LRRTM4: variants seen among roughly 807,000 people sequenced by gnomAD.
The protein encoded by LRRTM4 is leucine-rich repeat transmembrane neuronal protein 4.
In LRRTM4, 25 loss-of-function variants were observed where a neutral mutation model predicts 47.6. The observed-to-expected ratio is 0.53, with a 90% CI of 0.38 to 0.73. The LOEUF (loss-of-function observed/expected upper bound fraction) is 0.73, where lower values mean the gene tolerates loss of function less well. LRRTM4 is among the 30% of genes least tolerant of loss of function. The pLI, the probability that LRRTM4 is intolerant of heterozygous loss-of-function variation, is 0.00. For missense variants in LRRTM4, 638 were observed against 713.4 expected, an observed-to-expected ratio of 0.89 and a Z score of 1.20; for synonymous variants, 311 against 269.5, an observed-to-expected ratio of 1.15 and a Z score of -1.51.
At chr2:76,803,112 A>G (rs539631905) in intron 3 of LRRTM4, among the ~76,000 whole-genome samples, 47 of 152,276 alleles carry the variant, frequency 3.1e-4, no homozygotes, top group African/African-American at 1.1e-3. Context: ...GACAAATGGT[A>G]TTATATCAAT....
intron 3 of LRRTM4, among the ~76,000 whole-genome samples, chr2:77,354,344 TA>T (rs1671892775): frequency 6.7e-6 from 1 of 149,980 alleles, no homozygotes; most frequent in South Asian, 2.1e-4. Flanking sequence ...AAGTGGTTCT[TA>T]AATTTTAGCA....
chr2:76,791,867 G>C lies in LRRTM4; in HGVS notation c.1552-42951C>G, dbSNP rs890528433. Among the ~76,000 whole-genome samples, 6 of 152,114 alleles carry C rather than the reference G, an allele frequency of 3.9e-5. No homozygotes were observed. The South Asian group carries it at 6.2e-4, about 16-fold the overall frequency. ...ATAAGCTAGTTTCCAATATGAAATA[G>C]ACTTTCAAACCCCAGAGAATTTTTG... is the stretch of plus-strand genomic sequence containing the variant. On this transcript the variant is annotated intron_variant, in intron 3 of 3. Coordinates refer to ENST00000409884, the MANE Select transcript of LRRTM4 (RefSeq NM_001134745.3).
chr2:76,776,743 G>A (rs1674017045), intron 3 of LRRTM4, among the ~76,000 whole-genome samples: 2 of 142,872 alleles, frequency 1.4e-5, no homozygotes, highest in Non-Finnish European at 1.5e-5. Context: ...CTTTTGCTGT[G>A]CAGAAGCTCT....
intron 3 of LRRTM4, among the ~76,000 whole-genome samples, chr2:77,268,318 C>A (rs916020878): frequency 3.9e-5 from 6 of 152,120 alleles, no homozygotes; most frequent in African/African-American, 1.4e-4. Flanking sequence ...CACTGAATAG[C>A]AACACTAAGT....
At chr2:77,063,820 C>T (rs1292064073) in intron 3 of LRRTM4, among the ~76,000 whole-genome samples, 1 of 151,974 alleles carries the variant, frequency 6.6e-6, no homozygotes, top group African/African-American at 2.4e-5. Flanking sequence ...TGTTTAATTC[C>T]TTCTCTTTGT....
chr2:76,772,184 C>G (rs1673740787), intron 3 of LRRTM4, among the ~76,000 whole-genome samples: 1 of 152,060 alleles, frequency 6.6e-6, no homozygotes, highest in Admixed American at 6.5e-5. Context: ...ACCCGGAGAG[C>G]TCTCTGACTC....
chr2:77,301,768 T>A (rs760643226), intron 3 of LRRTM4, among the ~76,000 whole-genome samples: 64 of 152,154 alleles, frequency 4.2e-4, no homozygotes, highest in Middle Eastern at 3.2e-3. Context: ...AAATGAATAG[T>A]ATCCTATTCT....
chr2:76,822,747 G>A lies in LRRTM4; in HGVS notation c.1552-73831C>T, dbSNP rs189112462. Among the ~76,000 whole-genome samples the A allele has an allele frequency of 4.8e-3, 727 of 151,550 alleles. 3 individuals are homozygous for A. Among genetic ancestry groups the A allele is most frequent in the Non-Finnish European group, 7.3e-3 (494 of 67,600 alleles). ...AGAAGTGAGAGACAAACTATGTGGT[G>A]AAAGGAGGTTGTACCTCTAAGTCTG... On this transcript the variant is annotated intron_variant, in intron 3 of 3. Transcript: ENST00000409884.
chr2:77,115,787 T>C (rs549417584), intron 3 of LRRTM4, among the ~76,000 whole-genome samples: 2 of 152,334 alleles, frequency 1.3e-5, no homozygotes, highest in African/African-American at 4.8e-5. Flanking sequence ...TCTATAGACT[T>C]CCTTGACACT....
intron 3 of LRRTM4, among the ~76,000 whole-genome samples, chr2:76,939,078 T>TC (rs1438232061): frequency 6.6e-6 from 1 of 152,134 alleles, no homozygotes; most frequent in Non-Finnish European, 1.5e-5. Flanking sequence ...ATATTCAGAC[T>TC]CCAACAACTT....
At chr2:77,043,907 A>G (rs772158429) in intron 3 of LRRTM4, among the ~76,000 whole-genome samples, 15 of 148,658 alleles carry the variant, frequency 1.0e-4, no homozygotes, top group African/African-American at 2.0e-4. Context: ...AAACAGGTAA[A>G]AACATTTTTT....
At chr2:77,375,606 C>T in intron 3 of LRRTM4, among the ~76,000 whole-genome samples, 2 of 151,714 alleles carry the variant, frequency 1.3e-5, no homozygotes, top group Middle Eastern at 6.8e-3. Context: ...CTTTTTTCCC[C>T]AGCCCCTTGC....
intron 3 of LRRTM4, among the ~76,000 whole-genome samples, chr2:77,004,994 T>C (rs753797367): frequency 6.6e-6 from 1 of 152,184 alleles, no homozygotes; most frequent in Non-Finnish European, 1.5e-5. Flanking sequence ...CCCAGTTGTA[T>C]CTAAAAAGTA....
intron 3 of LRRTM4, among the ~76,000 whole-genome samples, chr2:77,034,923 T>G (rs1428315430): frequency 2.0e-5 from 3 of 152,060 alleles, no homozygotes; most frequent in Admixed American, 2.0e-4. Flanking sequence ...ACAGTTCATA[T>G]ATAAAACCCA....
chr2:77,153,318 C>G (rs1275049154), intron 3 of LRRTM4, among the ~76,000 whole-genome samples: 1 of 152,142 alleles, frequency 6.6e-6, no homozygotes, highest in Non-Finnish European at 1.5e-5. Flanking sequence ...TTCTGTAATA[C>G]TTTGTCACAT....
At chr2:77,027,473 C>G (rs1354632430) in intron 3 of LRRTM4, among the ~76,000 whole-genome samples, 2 of 152,060 alleles carry the variant, frequency 1.3e-5, no homozygotes, top group African/African-American at 4.8e-5. Flanking sequence ...ATCTCAATAG[C>G]CAGGTGGCAG....
chr2:77,020,752 GA>G (rs1678238249), intron 3 of LRRTM4, among the ~76,000 whole-genome samples: 1 of 152,132 alleles, frequency 6.6e-6, no homozygotes, highest in African/African-American at 2.4e-5. Flanking sequence ...TTAAAGAAAA[GA>G]AATGGTATCT....
At chr2:76,789,848 G>A (rs1335693530) in intron 3 of LRRTM4, among the ~76,000 whole-genome samples, 1 of 152,128 alleles carries the variant, frequency 6.6e-6, no homozygotes, top group Non-Finnish European at 1.5e-5. Context: ...AGATAACTGA[G>A]TCTTTTTTAC....
intron 3 of LRRTM4, among the ~76,000 whole-genome samples, chr2:76,873,195 A>G (rs185070170): frequency 7.9e-5 from 12 of 152,178 alleles, no homozygotes; most frequent in Admixed American, 2.6e-4. Context: ...TTGACAATAG[A>G]AATAATTCAT....
Sources: gnomAD v4.1 joint callset for allele counts (sites outside exome capture counted in the v4.1 genomes callset) on GRCh38, gnomAD v4.1.1 for gene constraint, MANE v1.5 for transcripts, NCBI Gene and HGNC (gene_info 2026-07-23, HGNC 2026-07-21) for gene names.